Variants in NMNAT2 observed in about 807,000 individuals in gnomAD.
NMNAT2 encodes the protein nicotinamide/nicotinic acid mononucleotide adenylyltransferase 2.
A neutral mutation model predicts 41.6 loss-of-function variants in NMNAT2; 11 were observed. That is an observed-to-expected ratio of 0.26 (90% CI 0.17 to 0.44). The LOEUF (loss-of-function observed/expected upper bound fraction) is 0.44, where lower values mean the gene tolerates loss of function less well. NMNAT2 is among the 20% of genes least tolerant of loss of function. The pLI is 1.00. For synonymous variants in NMNAT2, 148 were observed against 151.2 expected, an observed-to-expected ratio of 0.98 and a Z score of 0.16; for missense variants, 288 against 407.7, an observed-to-expected ratio of 0.71 and a Z score of 2.53.
At chr1:183,348,849 G>A (rs1662987552) in intron 1 of NMNAT2, among the ~76,000 whole-genome samples, 1 of 152,164 alleles carries the variant, frequency 6.6e-6, no homozygotes, top group East Asian at 1.9e-4. Context: ...TAACTTCCCT[G>A]AAATGACATC....
intron 1 of NMNAT2, among the ~76,000 whole-genome samples, chr1:183,389,795 AG>A (rs1648396020): frequency 1.3e-5 from 1 of 78,370 alleles, no homozygotes; most frequent in African/African-American, 4.1e-5. Flanking sequence ...AAAGAAAGAA[AG>A]AAAGAAAGAA....
At chr1:183,264,663 G>T (rs1660757586) in intron 8 of NMNAT2, among the ~76,000 whole-genome samples, 1 of 152,178 alleles carries the variant, frequency 6.6e-6, no homozygotes, top group Non-Finnish European at 1.5e-5. Context: ...AATGTTCATG[G>T]TGGACGGTAT....
Position 183,382,038 on chromosome 1 carries a change from C to T in NMNAT2, c.85+36145G>A, listed in dbSNP as rs569050341. ...TCACATTGTTATAAAGAACTACCTG[C>T]GACTGAGTAGTTTATAAAGAAAAGC... On this transcript the variant is annotated intron_variant, in intron 1 of 10. Coordinates refer to ENST00000287713, the MANE Select transcript of NMNAT2 (RefSeq NM_015039.4). Among the ~76,000 whole-genome samples the T allele has an allele frequency of 1.1e-4, 17 of 152,310 alleles. No individual in the cohort carries two copies. In the South Asian group the frequency reaches 2.5e-3, roughly 22 times the overall value.
At position 183,249,109 on chromosome 1, in the gene NMNAT2, G is replaced by C. The variant is rs1214406204; in HGVS notation, c.*3532C>G. On this transcript the variant is annotated 3_prime_UTR_variant, in exon 11 of 11. Transcript: ENST00000287713. ...TGAAACTAGAGAACATTGTTGAAAGGCTGGCCAAGCTGAGACAGGAAGAAC... is the reference window on the plus strand; with the variant it reads ...TGAAACTAGAGAACATTGTTGAAAGCCTGGCCAAGCTGAGACAGGAAGAAC... 1.3e-5 allele frequency: 2 copies of C among 152,168 alleles called. No homozygotes were observed. Among genetic ancestry groups the C allele is most frequent in the African/African-American group, 2.4e-5 (1 of 41,422 alleles). 9.4% of individuals were successfully genotyped at this position (152,168 alleles called of 1,614,324 possible).
At chr1:183,292,249 A>G (rs1051429300) in intron 3 of NMNAT2, among the ~76,000 whole-genome samples, 7 of 152,324 alleles carry the variant, frequency 4.6e-5, no homozygotes, top group East Asian at 1.9e-4. Context: ...GTGCCTTCCT[A>G]GCAGCACGTC....
chr1:183,407,826 A>G (rs1467715854), intron 1 of NMNAT2, among the ~76,000 whole-genome samples: 1 of 152,240 alleles, frequency 6.6e-6, no homozygotes, highest in Non-Finnish European at 1.5e-5. Context: ...ATAAGATATT[A>G]CATTTAAAGA....
chr1:183,408,748 A>C (rs964247064), intron 1 of NMNAT2, among the ~76,000 whole-genome samples: 3 of 152,244 alleles, frequency 2.0e-5, no homozygotes, highest in Non-Finnish European at 4.4e-5. Context: ...ATAACAAGTA[A>C]ATAATTTTTA....
At chr1:183,357,509 G>A (rs1281504562) in intron 1 of NMNAT2, among the ~76,000 whole-genome samples, 1 of 152,114 alleles carries the variant, frequency 6.6e-6, no homozygotes, top group Non-Finnish European at 1.5e-5. Context: ...GATTACAGGT[G>A]TGAGCCACCA....
chr1:183,316,048 GTCAGCCAGGACCTCTGT>G (rs1457937424), intron 1 of NMNAT2, among the ~76,000 whole-genome samples: 1 of 152,124 alleles, frequency 6.6e-6, no homozygotes, highest in Non-Finnish European at 1.5e-5. Context: ...TGGGAGAGGA[GTCAGCCAGGACCTCTGT>G]TCTTGGGCTG....
chr1:183,374,578 A>G (rs1386782313), intron 1 of NMNAT2, among the ~76,000 whole-genome samples: 1 of 152,238 alleles, frequency 6.6e-6, no homozygotes, highest in African/African-American at 2.4e-5. Flanking sequence ...CTTAATTTAC[A>G]TTCATTTTCC....
chr1:183,351,968 C>T (rs1046633320), intron 1 of NMNAT2, among the ~76,000 whole-genome samples: 2 of 152,090 alleles, frequency 1.3e-5, no homozygotes, highest in Non-Finnish European at 2.9e-5. Flanking sequence ...CAATGACATG[C>T]AATGTGCTAC....
intron 1 of NMNAT2, among the ~76,000 whole-genome samples, chr1:183,346,703 C>G (rs1662936407): frequency 6.6e-6 from 1 of 152,164 alleles, no homozygotes; most frequent in Admixed American, 6.5e-5. Context: ...TGTCCTCAGC[C>G]CTTTTTTGTC....
At chr1:183,374,414 T>G (rs145683459) in intron 1 of NMNAT2, among the ~76,000 whole-genome samples, 294 of 152,264 alleles carry the variant, frequency 1.9e-3, no homozygotes, top group African/African-American at 6.7e-3. Flanking sequence ...TCCCCACTTA[T>G]GGGGGATCAT....
intron 1 of NMNAT2, among the ~76,000 whole-genome samples, chr1:183,312,265 C>CTT (rs534701278): frequency 7.1e-6 from 1 of 140,670 alleles, no homozygotes; most frequent in South Asian, 2.3e-4. Flanking sequence ...TAATTTAAGG[C>CTT]TTTTTTTTTT....
chr1:183,338,409 A>G (rs1204226379), intron 1 of NMNAT2, among the ~76,000 whole-genome samples: 2 of 152,180 alleles, frequency 1.3e-5, no homozygotes, highest in Non-Finnish European at 2.9e-5. Context: ...GTGTAGAAAT[A>G]GCATAGGAGT....
intron 8 of NMNAT2, among the ~76,000 whole-genome samples, chr1:183,278,142 C>A (rs1175112462): frequency 2.0e-5 from 3 of 152,176 alleles, no homozygotes; most frequent in African/African-American, 4.8e-5. Flanking sequence ...CCCTCTGGAC[C>A]AATTTTCTCT....
intron 1 of NMNAT2, among the ~76,000 whole-genome samples, chr1:183,308,921 G>A (rs533467400): frequency 6.6e-5 from 10 of 152,312 alleles, no homozygotes; most frequent in South Asian, 2.1e-4. Context: ...TGGCTGCAGC[G>A]CTGGGAAAAC....
At chr1:183,282,424 T>G (rs1193474410) in intron 7 of NMNAT2, among the ~76,000 whole-genome samples, 1 of 152,174 alleles carries the variant, frequency 6.6e-6, no homozygotes, top group Admixed American at 6.5e-5. Context: ...ATCACCACTG[T>G]CCTCTCCTGG....
intron 1 of NMNAT2, among the ~76,000 whole-genome samples, chr1:183,402,960 CT>C (rs5779174): frequency 0.65 from 93,053 of 142,354 alleles, 30,439 homozygotes; most frequent in East Asian, 0.88. Flanking sequence ...AACATCATAT[CT>C]TTTTTTTTTT....
Sources: allele counts gnomAD v4.1 joint callset (sites outside exome capture counted in the v4.1 genomes callset), GRCh38; gene constraint gnomAD v4.1.1; transcripts MANE v1.5; gene names NCBI Gene and HGNC (gene_info 2026-07-23, HGNC 2026-07-21).